Variants in CCDC175 observed in about 807,000 individuals in gnomAD.
The protein encoded by CCDC175 is coiled-coil domain containing 175, also known as coiled-coil domain-containing protein 175.
In CCDC175, 100 loss-of-function variants were observed where a neutral mutation model predicts 114.6. The ratio of observed to expected loss-of-function variants is 0.87; its 90% CI spans 0.74 to 1.03. CCDC175 has a LOEUF of 1.03. Ranked by LOEUF, CCDC175 falls within the 50% of genes least tolerant of loss-of-function variation. The pLI is 0.00. For missense variants in CCDC175, 880 were observed against 917.8 expected, an observed-to-expected ratio of 0.96 and a Z score of 0.53; for synonymous variants, 306 against 308.7, an observed-to-expected ratio of 0.99 and a Z score of 0.09.
At chr14:59,572,381 C>T (rs2140132858) in intron 3 of CCDC175, among the ~76,000 whole-genome samples, 2 of 152,124 alleles carry the variant, frequency 1.3e-5, no homozygotes, top group Middle Eastern at 6.8e-3. Context: ...CCAGAGTAGC[C>T]AAAACTCAGA....
rs577625689 is a variant in CCDC175, at chr14:59,507,561, A to G, written c.2306-2246T>C. Among the ~76,000 whole-genome samples, 115 of 152,324 alleles carry G rather than the reference A, an allele frequency of 7.5e-4. 1 individual carries two copies. Among genetic ancestry groups the G allele is most frequent in the African/African-American group, 2.7e-3 (113 of 41,586 alleles). On this transcript the variant is annotated intron_variant, in intron 19 of 19. Coordinates refer to ENST00000537690, the MANE Select transcript of CCDC175 (RefSeq NM_001164399.2). Reference sequence around the variant, plus strand: ...CAGTAGAGGGGTGCTGAACTGAGATAAGGGCTTCTCCAGAAGTCCTGTGGC... The same window carrying G: ...CAGTAGAGGGGTGCTGAACTGAGATGAGGGCTTCTCCAGAAGTCCTGTGGC...
chr14:59,559,643 C>T (rs1215220150), intron 7 of CCDC175, among the ~76,000 whole-genome samples: 1 of 152,018 alleles, frequency 6.6e-6, no homozygotes, highest in Non-Finnish European at 1.5e-5. Context: ...ACTAGGTTGC[C>T]TCTCCCTATC....
chr14:59,552,435 CAGAA>C, intron 7 of CCDC175, among the ~76,000 whole-genome samples: 1 of 152,234 alleles, frequency 6.6e-6, no homozygotes, highest in Non-Finnish European at 1.5e-5. Context: ...AACTAAAAAA[CAGAA>C]AGGACATCCA....
At chr14:59,515,526 C>G (rs371658327) in intron 17 of CCDC175, among the ~76,000 whole-genome samples, 11 of 151,996 alleles carry the variant, frequency 7.2e-5, no homozygotes, top group East Asian at 1.9e-4. Context: ...CCTAGTCTCT[C>G]ATAAAACAGA....
chr14:59,509,091 A>T (rs1461036571), intron 19 of CCDC175, among the ~76,000 whole-genome samples: 2 of 152,226 alleles, frequency 1.3e-5, no homozygotes, highest in Non-Finnish European at 2.9e-5. Context: ...GAAATATGAT[A>T]TTAGTAATTC....
Position 59,551,441 on chromosome 14 carries a change from G to A in CCDC175, c.954-5C>T. On this transcript the variant is annotated splice_region_variant and splice_polypyrimidine_tract_variant and intron_variant, in intron 7 of 19. Transcript: ENST00000537690. Reference sequence around the variant, plus strand: ...TTGTTATCTGTGAAAAAACACCTATGAACAAAGGAAGCCAAACAGATTCAT... The same window carrying A: ...TTGTTATCTGTGAAAAAACACCTATAAACAAAGGAAGCCAAACAGATTCAT... 1 of 1,381,978 alleles carries A rather than the reference G, an allele frequency of 7.2e-7. No individual in the cohort carries two copies. Among genetic ancestry groups the A allele is most frequent in the Non-Finnish European group, 9.6e-7 (1 of 1,039,752 alleles). The allele number at this position is 1,381,978 out of a possible 1,614,324, so 85.6% of individuals were successfully genotyped here. A position where few individuals can be genotyped will look rare whatever the true frequency, so the allele number is the denominator to read the frequency against.
chr14:59,538,631 T>A (rs1400496253), intron 12 of CCDC175, 74 bp downstream of exon 12: 8 of 1,184,018 alleles, frequency 6.8e-6, no homozygotes, highest in Non-Finnish European at 9.1e-6. Flanking sequence ...AAGATAGGAT[T>A]TAATTAAATA....
In CCDC175 at chr14:59,527,019, C is replaced by T. The variant is rs1254840624; in HGVS notation, c.1842+76G>A. ...GTGGATTTCATGAAAACTTCAATGC[C>T]AGGTAAATACTACCATCTGTATATA... On this transcript the variant is annotated intron_variant, in intron 15 of 19. Coordinates refer to ENST00000537690, the MANE Select transcript of CCDC175 (RefSeq NM_001164399.2). 3 of 733,190 alleles carry T rather than the reference C, an allele frequency of 4.1e-6. No homozygotes were observed. In the African/African-American group the frequency reaches 5.6e-5, roughly 14 times the overall value. The allele number at this position is 733,190 out of a possible 1,614,324, so 45.4% of individuals were successfully genotyped here. A position where few individuals can be genotyped will look rare whatever the true frequency, so the allele number is the denominator to read the frequency against.
Position 59,538,050 on chromosome 14 carries a change from C to T in CCDC175, c.1596G>A (p.Met532Ile), listed in dbSNP as rs1894517435. The T allele has an allele frequency of 6.5e-7, 1 of 1,530,308 alleles. No homozygotes were observed. The highest frequency in any genetic ancestry group is 2.0e-5 in the Admixed American group (1 of 50,736). The allele number at this position is 1,530,308 out of a possible 1,614,324, so 94.8% of individuals were successfully genotyped here. A position where few individuals can be genotyped will look rare whatever the true frequency, so the allele number is the denominator to read the frequency against. The change falls in exon 13 of 20, where the codon ATG (methionine) becomes ATA (isoleucine). Residue 532 changes from methionine (M) to isoleucine (I), a missense_variant. Coordinates refer to ENST00000537690, the MANE Select transcript of CCDC175 (RefSeq NM_001164399.2). The stretch of plus-strand genomic sequence containing the variant: ...CATACTTGCTTAACTCTTTCATTAA[C>T]ATTTTTTCTTTGTTAACAAATGCTT... ...EEKAFVNKEK[M>I]LMKELSKYEE...
At chr14:59,575,667 G>A (rs911238276) in intron 1 of CCDC175, among the ~76,000 whole-genome samples, 1 of 151,972 alleles carries the variant, frequency 6.6e-6, no homozygotes, top group African/African-American at 2.4e-5. Context: ...GCGTCACCAC[G>A]CCCGGCTAAT....
chr14:59,576,402 C>A (rs1418571469), intron 1 of CCDC175, among the ~76,000 whole-genome samples: 1 of 152,170 alleles, frequency 6.6e-6, no homozygotes, highest in Non-Finnish European at 1.5e-5. Context: ...GAGGGTTGAG[C>A]GAAGTCACCT....
rs146177653 is a variant in CCDC175, at chr14:59,545,692, G to A, written c.1036-393C>T. Among the ~76,000 whole-genome samples, 33 of 152,218 alleles carry A rather than the reference G, an allele frequency of 2.2e-4. No individual in the cohort carries two copies. In the East Asian group the frequency reaches 6.2e-3, roughly 28 times the overall value. ...AGTTGATATTATGCTTGCTTCTTGT[G>A]AAATATTTCTATTTGAGGACAAAAA... On this transcript the variant is annotated intron_variant, in intron 8 of 19. Coordinates refer to ENST00000537690, the MANE Select transcript of CCDC175 (RefSeq NM_001164399.2).
intron 15 of CCDC175, among the ~76,000 whole-genome samples, chr14:59,526,555 CAA>C (rs34795667): frequency 2.8e-5 from 4 of 142,078 alleles, no homozygotes; most frequent in African/African-American, 2.6e-5. Flanking sequence ...GACTCCATCT[CAA>C]AAAAAAAAAA....
intron 8 of CCDC175, among the ~76,000 whole-genome samples, chr14:59,546,867 A>G (rs1312963218): frequency 6.6e-6 from 1 of 152,136 alleles, no homozygotes; most frequent in African/African-American, 2.4e-5. Flanking sequence ...ATAAAAAAGA[A>G]TGCACAATTA....
At chr14:59,512,551 A>G (rs186039673) in intron 17 of CCDC175, among the ~76,000 whole-genome samples, 61 of 152,122 alleles carry the variant, frequency 4.0e-4, no homozygotes, top group African/African-American at 1.4e-3. Context: ...ATTTTACTCT[A>G]TCTTTCACTG....
chr14:59,553,128 T>G (rs1895635281), intron 7 of CCDC175, among the ~76,000 whole-genome samples: 1 of 151,990 alleles, frequency 6.6e-6, no homozygotes, highest in Non-Finnish European at 1.5e-5. Flanking sequence ...ACAAAGATAC[T>G]CCTCCAGAAG....
chr14:59,516,728 T>G (rs1893112811), intron 17 of CCDC175, among the ~76,000 whole-genome samples: 1 of 152,190 alleles, frequency 6.6e-6, no homozygotes, highest in Admixed American at 6.5e-5. Flanking sequence ...CCAGCCGAAT[T>G]CTACCAGAGG....
intron 2 of CCDC175, among the ~76,000 whole-genome samples, chr14:59,574,337 T>C (rs753282819): frequency 3.3e-5 from 5 of 152,182 alleles, no homozygotes; most frequent in Non-Finnish European, 5.9e-5. Context: ...CAAGGAAGCA[T>C]TGTCAATGTG....
chr14:59,516,601 C>A (rs1451906788), intron 17 of CCDC175, among the ~76,000 whole-genome samples: 2 of 152,208 alleles, frequency 1.3e-5, no homozygotes, highest in East Asian at 3.8e-4. Context: ...CACATACACC[C>A]TCCGAAGACT....
Sources: allele counts gnomAD v4.1 joint callset (sites outside exome capture counted in the v4.1 genomes callset), GRCh38; gene constraint gnomAD v4.1.1; transcripts MANE v1.5; gene names NCBI Gene and HGNC (gene_info 2026-07-23, HGNC 2026-07-21).